The following TEX11 variants were observed in gnomAD, a reference collection of about 807,000 sequenced individuals.
TEX11 encodes the protein testis expressed 11.
Under a neutral mutation model 84.4 loss-of-function variants are expected in TEX11, and 7 were observed. The observed-to-expected ratio is 0.08, with a 90% CI of 0.05 to 0.16. The LOEUF (loss-of-function observed/expected upper bound fraction) is 0.16. Among genes scored for constraint, TEX11 ranks in the 10% least tolerant of loss-of-function variants. TEX11 has a pLI of 1.00. For missense variants in TEX11, 551 were observed against 660.5 expected (o/e 0.83, Z 1.82); for synonymous variants, 264 against 222.8 (o/e 1.18, Z -1.64).
rs745682941 is a variant in TEX11, at chrX:70,568,573, C to T, written c.2141-13773G>A. 1.6e-3 allele frequency among the ~76,000 whole-genome samples: 173 copies of T among 110,589 alleles called. 1 individual carries two copies. The highest frequency in any genetic ancestry group is 5.6e-3 in the African/African-American group (169 of 30,450). The stretch of plus-strand genomic sequence containing the variant: ...TGTTCCTTTCCATGTTTAGTGCTTC[C>T]TTCGGGAGCTCTTTTAGGGCAGGCC... On this transcript the variant is annotated intron_variant, in intron 25 of 29. Transcript: ENST00000374333.
At chrX:70,664,429 C>T (rs1220945209) in intron 16 of TEX11, among the ~76,000 whole-genome samples, 1 of 111,418 alleles carries the variant, frequency 9.0e-6, no homozygotes, top group Non-Finnish European at 1.9e-5. Context: ...TCAGATCTGA[C>T]TCTATCTTCT....
At chrX:70,791,203 C>G (rs7892662) in intron 9 of TEX11, among the ~76,000 whole-genome samples, 14,287 of 110,861 alleles carry the variant, frequency 0.13, 802 homozygotes, top group Middle Eastern at 0.25. Flanking sequence ...GAAAAAAAAG[C>G]AGGGGTCACT....
chrX:70,865,618 T>A (rs1254169268), intron 4 of TEX11, among the ~76,000 whole-genome samples: 1 of 111,745 alleles, frequency 8.9e-6, no homozygotes, highest in Non-Finnish European at 1.9e-5. Flanking sequence ...ATAGCACTTA[T>A]TCTAAAATCG....
At chrX:70,814,155 G>C (rs1308941474) in intron 8 of TEX11, among the ~76,000 whole-genome samples, 7 of 111,750 alleles carry the variant, frequency 6.3e-5, no homozygotes, top group Non-Finnish European at 1.9e-5. Context: ...TCAGTCCTCA[G>C]CCAAAAGAAC....
At chrX:70,789,186 A>G (rs2091103548) in intron 9 of TEX11, among the ~76,000 whole-genome samples, 1 of 107,377 alleles carries the variant, frequency 9.3e-6, no homozygotes, top group Non-Finnish European at 1.9e-5. Flanking sequence ...TCTCAAAAAA[A>G]AAAAAGTTGG....
At chrX:70,861,270 C>A (rs765790326) in intron 4 of TEX11, among the ~76,000 whole-genome samples, 185 of 106,515 alleles carry the variant, frequency 1.7e-3, no homozygotes, top group African/African-American at 5.9e-3. Context: ...ACCGTTTTAG[C>A]CGGGATGGTC....
intron 2 of TEX11, among the ~76,000 whole-genome samples, chrX:70,890,275 G>C (rs749133696): frequency 2.7e-5 from 3 of 111,155 alleles, no homozygotes; most frequent in African/African-American, 6.5e-5. Context: ...CAACGTGATC[G>C]ACACAGAAGA....
intron 2 of TEX11, among the ~76,000 whole-genome samples, chrX:70,903,979 C>CTTT (rs34397286): frequency 1.0e-4 from 3 of 29,960 alleles, no homozygotes; most frequent in Admixed American, 9.9e-4. Flanking sequence ...CCACATCCAG[C>CTTT]TTTTTTTTTT....
chrX:70,785,247 T>C (rs927791322), intron 9 of TEX11, among the ~76,000 whole-genome samples: 4 of 112,002 alleles, frequency 3.6e-5, no homozygotes, highest in Admixed American at 9.5e-5. Flanking sequence ...ATTTAATAAA[T>C]AGTGCTGGGA....
At chrX:70,799,905 C>A (rs1343608594) in intron 9 of TEX11, among the ~76,000 whole-genome samples, 2 of 111,525 alleles carry the variant, frequency 1.8e-5, no homozygotes, top group Non-Finnish European at 3.8e-5. Context: ...AATCATCACT[C>A]CTCTTCAATT....
rs767785774 is a variant in TEX11, at chrX:70,682,901, C to T, written c.1005-76G>A. On this transcript the variant is annotated intron_variant, in intron 13 of 29. Transcript: ENST00000374333. ...TGATCAATGGGACTAAAATGTATTT[C>T]AGTGTGAGCAAAATAAGCCAGATAA... The T allele has an allele frequency of 1.9e-5, 19 of 979,279 alleles. No individual in the cohort carries two copies. The East Asian group carries it at 5.4e-4, about 28-fold the overall frequency. 80.7% of individuals were successfully genotyped at this position (979,279 alleles called of 1,213,427 possible).
intron 9 of TEX11, among the ~76,000 whole-genome samples, chrX:70,783,611 C>A (rs763144081): frequency 1.8e-5 from 2 of 111,511 alleles, no homozygotes; most frequent in South Asian, 3.8e-4. Flanking sequence ...AAAGAAGAAT[C>A]AAATAGACGC....
chrX:70,727,193 C>T (rs961417636), intron 11 of TEX11, among the ~76,000 whole-genome samples: 3 of 111,363 alleles, frequency 2.7e-5, no homozygotes, highest in Non-Finnish European at 5.7e-5. Context: ...CTCTCTGACT[C>T]TAAAGGACAT....
chrX:70,792,908 C>T (rs1461991886), intron 9 of TEX11, among the ~76,000 whole-genome samples: 1 of 111,307 alleles, frequency 9.0e-6, no homozygotes, highest in Non-Finnish European at 1.9e-5. Context: ...AACTTCCAGC[C>T]AATATCACTG....
At chrX:70,861,747 G>A (rs1480006874) in intron 4 of TEX11, among the ~76,000 whole-genome samples, 1 of 111,418 alleles carries the variant, frequency 9.0e-6, no homozygotes, top group Non-Finnish European at 1.9e-5. Context: ...GATTACAGGT[G>A]TGAGCCACCA....
At chrX:70,614,042 C>T (rs2089291963) in intron 20 of TEX11, among the ~76,000 whole-genome samples, 1 of 111,424 alleles carries the variant, frequency 9.0e-6, no homozygotes, top group Non-Finnish European at 1.9e-5. Context: ...AGCAGTGATC[C>T]CAAGTAGTAC....
At chrX:70,584,729 A>T in intron 25 of TEX11, among the ~76,000 whole-genome samples, 1 of 112,442 alleles carries the variant, frequency 8.9e-6, no homozygotes, top group Non-Finnish European at 1.9e-5. Context: ...CCAAGAACGC[A>T]AGTTCAACAT....
chrX:70,732,346 A>C (rs750737235), intron 11 of TEX11, among the ~76,000 whole-genome samples: 1 of 111,742 alleles, frequency 8.9e-6, no homozygotes, highest in South Asian at 3.8e-4. Context: ...AATTAGGAAA[A>C]GAGGAAGTCA....
At chrX:70,609,009 T>G in intron 22 of TEX11, 82 bp downstream of exon 22, 1 of 798,383 alleles carries the variant, frequency 1.3e-6, no homozygotes, top group Non-Finnish European at 1.8e-6. Flanking sequence ...CAGCTACAAA[T>G]GAAAGATCCA....
Sources: allele counts gnomAD v4.1 joint callset (sites outside exome capture counted in the v4.1 genomes callset), GRCh38; gene constraint gnomAD v4.1.1; transcripts MANE v1.5; gene names NCBI Gene and HGNC (gene_info 2026-07-23, HGNC 2026-07-21).